Variants in CDC123 observed in about 807,000 individuals in gnomAD.
CDC123 encodes the protein translation initiation factor eIF2 assembly protein.
A neutral mutation model predicts 54.4 loss-of-function variants in CDC123; 37 were observed. That is an observed-to-expected ratio of 0.68 (90% CI 0.52 to 0.89). CDC123 has a LOEUF of 0.89. Ranked by LOEUF, CDC123 falls within the 40% of genes least tolerant of loss-of-function variation. The pLI, the probability that CDC123 is intolerant of heterozygous loss-of-function variation, is 0.00. For synonymous variants in CDC123, 144 were observed against 136.8 expected, an observed-to-expected ratio of 1.05 and a Z score of -0.37; for missense variants, 361 against 412.1, an observed-to-expected ratio of 0.88 and a Z score of 1.07.
At chr10:12,235,321 G>A (rs938328706) in intron 8 of CDC123, among the ~76,000 whole-genome samples, 198 bp downstream of exon 8, 3 of 152,136 alleles carry the variant, frequency 2.0e-5, no homozygotes, top group East Asian at 1.9e-4. Context: ...GTCACTTGCC[G>A]CAGGAAACGG....
intron 5 of CDC123, among the ~76,000 whole-genome samples, chr10:12,216,187 G>A (rs1184997411): frequency 6.6e-6 from 1 of 152,126 alleles, no homozygotes; most frequent in Admixed American, 6.5e-5. Context: ...AAGTAATAGT[G>A]TCATAGGCTA....
intron 4 of CDC123, among the ~76,000 whole-genome samples, chr10:12,212,557 C>CA (rs1394412784): frequency 6.6e-6 from 1 of 152,206 alleles, no homozygotes; most frequent in African/African-American, 2.4e-5. Flanking sequence ...AGGCTGCACT[C>CA]AAACTTCTGG....
At chr10:12,198,024 AT>A (rs1835389478) in intron 1 of CDC123, among the ~76,000 whole-genome samples, 2 of 152,148 alleles carry the variant, frequency 1.3e-5, no homozygotes, top group African/African-American at 4.8e-5. Flanking sequence ...ACTCTTAGGG[AT>A]CTGTGGTAGG....
chr10:12,206,876 C>G (rs371804087), intron 2 of CDC123, among the ~76,000 whole-genome samples: 13 of 150,454 alleles, frequency 8.6e-5, no homozygotes, highest in South Asian at 8.4e-4. Flanking sequence ...GGAGAATGGC[C>G]TGAACCCGGG....
chr10:12,231,102 C>T (rs1164928256), intron 7 of CDC123, 106 bp downstream of exon 7: 9 of 1,036,862 alleles, frequency 8.7e-6, no homozygotes, highest in Admixed American at 5.3e-5. Context: ...TTAATTTCTT[C>T]GGGAACCTAA....
At chr10:12,200,790 G>A (rs937909163) in intron 2 of CDC123, among the ~76,000 whole-genome samples, 9 of 152,084 alleles carry the variant, frequency 5.9e-5, no homozygotes, top group South Asian at 4.2e-4. Flanking sequence ...AAAATTAGCC[G>A]GGCATGGTGG....
chr10:12,249,267 T>C (rs1836204634), intron 11 of CDC123, among the ~76,000 whole-genome samples: 1 of 151,970 alleles, frequency 6.6e-6, no homozygotes, highest in Non-Finnish European at 1.5e-5. Flanking sequence ...TGAGATATTT[T>C]CTGTACTAAA....
chr10:12,243,524 C>CA (rs1427690801), intron 10 of CDC123, among the ~76,000 whole-genome samples: 1 of 152,104 alleles, frequency 6.6e-6, no homozygotes, highest in African/African-American at 2.4e-5. Flanking sequence ...CACAGAGGGT[C>CA]ACGCCTGTAA....
chr10:12,209,892 C>T, intron 2 of CDC123, 75 bp from the exon 3 acceptor site: 1 of 1,394,592 alleles, frequency 7.2e-7, no homozygotes, highest in South Asian at 1.2e-5. Flanking sequence ...AAAACATATA[C>T]TCAGTACCCC....
At chr10:12,233,278 TACAC>T (rs57596982) in intron 7 of CDC123, among the ~76,000 whole-genome samples, 16,274 of 145,234 alleles carry the variant, frequency 0.11, 2,235 homozygotes, top group African/African-American at 0.34. Context: ...GTATTTAAAA[TACAC>T]ACACACACAC....
intron 7 of CDC123, among the ~76,000 whole-genome samples, chr10:12,233,688 A>T (rs1267506691): frequency 6.6e-6 from 1 of 152,084 alleles, no homozygotes; most frequent in Non-Finnish European, 1.5e-5. Context: ...GATTCATTTA[A>T]TAATTACGTA....
chr10:12,238,080 A>C (rs988074099), intron 9 of CDC123, among the ~76,000 whole-genome samples: 3 of 152,228 alleles, frequency 2.0e-5, no homozygotes, highest in African/African-American at 7.2e-5. Context: ...TATGCTTTCT[A>C]TTATAAGCTT....
intron 6 of CDC123, among the ~76,000 whole-genome samples, chr10:12,222,808 C>T (rs1009960402): frequency 5.3e-5 from 8 of 152,022 alleles, no homozygotes; most frequent in Middle Eastern, 3.2e-3. Context: ...GGCTGAAATG[C>T]AATGATGCGA....
At chr10:12,224,425 C>CTTT (rs1835778018) in intron 6 of CDC123, among the ~76,000 whole-genome samples, 2 of 151,634 alleles carry the variant, frequency 1.3e-5, no homozygotes, top group Non-Finnish European at 2.9e-5. Context: ...CAAAGTAGGC[C>CTTT]TTTGGGATTT....
At position 12,211,172 on chromosome 10, in the gene CDC123, G is replaced by T. The variant is rs188443095; in HGVS notation, c.237+850G>T. On this transcript the variant is annotated intron_variant, in intron 4 of 12. Coordinates refer to ENST00000281141, the MANE Select transcript of CDC123 (RefSeq NM_006023.3). ...TTAACCTAAAATTTTTTAAATGAAG[G>T]TATTTTTAAAGGAGTGAGTGAAGCA... 8.7e-3 allele frequency among the ~76,000 whole-genome samples: 1,321 copies of T among 152,212 alleles called. 21 individuals are homozygous for T. The highest frequency in any genetic ancestry group is 0.029 in the African/African-American group (1,205 of 41,532).
intron 9 of CDC123, 110 bp from the exon 10 acceptor site, chr10:12,238,347 G>T: frequency 8.1e-7 from 1 of 1,232,026 alleles, no homozygotes; most frequent in East Asian, 2.6e-5. Flanking sequence ...AAGTCCTCAG[G>T]GTCATTTATA....
intron 1 of CDC123, 106 bp downstream of exon 1, chr10:12,196,425 G>A: frequency 1.4e-6 from 2 of 1,408,648 alleles, no homozygotes; most frequent in Non-Finnish European, 2.0e-6. Context: ...GCGACTGCAT[G>A]GGAGGGAGTG....
rs1836136332 is a variant in CDC123 at position 12,246,295 on chromosome 10, C to T, written c.846+18C>T. The T allele has an allele frequency of 3.7e-6, 6 of 1,613,458 alleles. No homozygotes were observed. The highest frequency in any genetic ancestry group is 1.7e-5 in the Admixed American group (1 of 59,952). ...AAGAGCAGGTACAACATTTTTAAGA[C>T]AGATACAATGTAAACCTTTCCAGTC... On this transcript the variant is annotated intron_variant, in intron 11 of 12. Coordinates refer to ENST00000281141, the MANE Select transcript of CDC123 (RefSeq NM_006023.3).
chr10:12,242,722 A>G (rs1177256385), intron 10 of CDC123, among the ~76,000 whole-genome samples: 1 of 152,078 alleles, frequency 6.6e-6, no homozygotes, highest in Admixed American at 6.6e-5. Context: ...CAGGCAGGTC[A>G]CCTGAGATCA....
Sources: gnomAD v4.1 joint callset for allele counts (sites outside exome capture counted in the v4.1 genomes callset) on GRCh38, gnomAD v4.1.1 for gene constraint, MANE v1.5 for transcripts, NCBI Gene and HGNC (gene_info 2026-07-23, HGNC 2026-07-21) for gene names.